IQGAP3: variants seen among roughly 807,000 people sequenced by gnomAD.
IQGAP3 encodes IQ motif containing GTPase activating protein 3, also known as ras GTPase-activating-like protein IQGAP3.
IQGAP3 carries 165 observed loss-of-function variants against 208.2 expected under a neutral mutation model. The observed-to-expected ratio is 0.79, with a 90% CI of 0.70 to 0.90. IQGAP3 has a LOEUF of 0.90. Ranked by LOEUF, IQGAP3 falls within the 40% of genes least tolerant of loss-of-function variation. The probability of loss-of-function intolerance (pLI) is 0.00; values close to 1 mark genes in which losing one functional copy is unlikely to be tolerated. For missense variants in IQGAP3, 1,811 were observed against 2,043.1 expected (o/e 0.89, Z 2.19); for synonymous variants, 703 against 803.6 (o/e 0.87, Z 2.12).
At position 156,550,248 on chromosome 1, in the gene IQGAP3, C is replaced by A; in HGVS notation, c.1825+13G>T. 1 of 1,597,116 alleles carries A rather than the reference C, an allele frequency of 6.3e-7. No homozygotes were observed. The highest frequency in any genetic ancestry group is 8.6e-7 in the Non-Finnish European group (1 of 1,165,538). The stretch of plus-strand genomic sequence containing the variant: ...TCCCTCCCCTCCCAGGGTCCCCCAA[C>A]CAGTCCATTTACTTCTCTGAGCTGT... On this transcript the variant is annotated intron_variant, in intron 16 of 37. Coordinates refer to ENST00000361170, the MANE Select transcript of IQGAP3 (RefSeq NM_178229.5).
At chr1:156,570,102 G>A (rs182798942) in intron 1 of IQGAP3, among the ~76,000 whole-genome samples, 229 of 152,264 alleles carry the variant, frequency 1.5e-3, no homozygotes, top group African/African-American at 5.2e-3. Flanking sequence ...AGTTCTCCAA[G>A]AACTGGACCT....
At chr1:156,537,121 A>G in intron 27 of IQGAP3, 60 bp downstream of exon 27, 1 of 1,562,142 alleles carries the variant, frequency 6.4e-7, no homozygotes, top group Non-Finnish European at 8.7e-7. Flanking sequence ...TCTGCTCCCC[A>G]TGGTGGCCTG....
Position 156,528,996 on chromosome 1 carries a change from C to G in IQGAP3, c.4491G>C (p.Lys1497Asn). 1.2e-6 allele frequency: 2 copies of G among 1,614,204 alleles called. No homozygotes were observed. The highest frequency in any genetic ancestry group is 1.7e-6 in the Non-Finnish European group (2 of 1,180,036). Residue 1497 changes from lysine (K) to asparagine (N), a missense_variant, in exon 35 of 38, where the codon AAG (lysine) becomes AAC (asparagine). By Grantham distance (94) the Lys-to-Asn change is moderately conservative. Transcript: ENST00000361170. ...LQATLQGLST[K>N]TTFYEEQGDY... ...CACCCTGCTCCTCATAGAAGGTGGT[C>G]TTAGTGCTCAGGCCCTGTAATGTGG... is the stretch of plus-strand genomic sequence containing the variant.
intron 18 of IQGAP3, 25 bp downstream of exon 18, chr1:156,548,323 C>T: frequency 6.2e-7 from 1 of 1,611,630 alleles, no homozygotes; most frequent in Non-Finnish European, 8.5e-7. Flanking sequence ...CCAAGATCCC[C>T]TACCCTTGCA....
rs142906566 is a variant in IQGAP3, at chr1:156,563,367, G to C, written c.620-55C>G. 2.0e-4 allele frequency: 307 copies of C among 1,525,096 alleles called. 2 individuals carry two copies. In the East Asian group the frequency reaches 6.9e-3, roughly 34 times the overall value. The allele number at this position is 1,525,096 out of a possible 1,614,324, so 94.5% of individuals were successfully genotyped here. A position where few individuals can be genotyped will look rare whatever the true frequency, so the allele number is the denominator to read the frequency against. ...AGGCCAGAGTGAATCCCAGATTGGAGCGCAACCAGTAGCAGCCCACTCTAA... is the reference window on the plus strand; with the variant it reads ...AGGCCAGAGTGAATCCCAGATTGGACCGCAACCAGTAGCAGCCCACTCTAA... On this transcript the variant is annotated intron_variant, in intron 7 of 37. Transcript: ENST00000361170.
chr1:156,526,606 G>C lies in IQGAP3; in HGVS notation c.4783-7C>G, dbSNP rs751931390. The C allele has an allele frequency of 1.2e-6, 2 of 1,603,824 alleles. No individual in the cohort carries two copies. The highest frequency in any genetic ancestry group is 1.7e-6 in the Non-Finnish European group (2 of 1,170,756). ...ACTGGAGCTGCAGGAGATCCTAGGA[G>C]GGAAGAGGCAGGGAGGGGAGTTTAA... On this transcript the variant is annotated splice_polypyrimidine_tract_variant and splice_region_variant and intron_variant, in intron 37 of 37. Coordinates refer to ENST00000361170, the MANE Select transcript of IQGAP3 (RefSeq NM_178229.5).
At chr1:156,570,773 G>A (rs1444247843) in intron 1 of IQGAP3, among the ~76,000 whole-genome samples, 2 of 152,218 alleles carry the variant, frequency 1.3e-5, no homozygotes, top group African/African-American at 4.8e-5. Flanking sequence ...GCCTCCCAAA[G>A]TGCTGGGATT....
intron 27 of IQGAP3, chr1:156,536,869 T>C (rs1367525076): frequency 4.4e-6 from 1 of 227,680 alleles, no homozygotes; most frequent in African/African-American, 2.3e-5. Context: ...TATTGGGAAC[T>C]GAAGAGTCCC....
Position 156,554,384 on chromosome 1 carries a change from G to T in IQGAP3, c.1299C>A (p.Gly433=), listed in dbSNP as rs762545097. The T allele has an allele frequency of 6.2e-7, 1 of 1,605,436 alleles. No homozygotes were observed. The highest frequency in any genetic ancestry group is 8.5e-7 in the Non-Finnish European group (1 of 1,176,654). The change falls in exon 13 of 38, where the codon GGC becomes GGA. Residue 433 remains glycine, a synonymous_variant. Transcript: ENST00000361170. ...CCACAGCCACGAAGAGCTCCTCCTG[G>T]CCAAGCTCCTACAATGGGTGGGAGG... The part of the protein sequence containing the change: ...AVLQQQQGEL[G]QEELFVAVEM...
chr1:156,530,948 G>A (rs1014292526), intron 33 of IQGAP3, among the ~76,000 whole-genome samples: 1 of 152,132 alleles, frequency 6.6e-6, no homozygotes, highest in Non-Finnish European at 1.5e-5. Flanking sequence ...GGGGAGAGGG[G>A]TGGGGCCCCA....
intron 23 of IQGAP3, among the ~76,000 whole-genome samples, chr1:156,540,330 A>G (rs1045577110): frequency 6.6e-6 from 1 of 152,136 alleles, no homozygotes; most frequent in African/African-American, 2.4e-5. Context: ...CTGTCACTGC[A>G]TATTTATATG....
intron 35 of IQGAP3, 49 bp downstream of exon 35, chr1:156,528,867 G>C: frequency 6.2e-7 from 1 of 1,601,558 alleles, no homozygotes; most frequent in Middle Eastern, 1.7e-4. Flanking sequence ...ACATGGGCAG[G>C]GGTGAGAAGT....
At position 156,538,817 on chromosome 1, in the gene IQGAP3, C is replaced by T. The variant is rs755346623; in HGVS notation, c.3273G>A (p.Gly1091=). 1 of 1,614,030 alleles carries T rather than the reference C, an allele frequency of 6.2e-7. No homozygotes were observed. The highest frequency in any genetic ancestry group is 1.1e-5 in the South Asian group (1 of 91,046). Residue 1091 remains glycine, a synonymous_variant, in exon 26 of 38, where the codon GGG becomes GGA. Coordinates refer to ENST00000361170, the MANE Select transcript of IQGAP3 (RefSeq NM_178229.5). ...NWINQTEAQT[G]QRSHLPYDVT... ...TCTGCCCATGTGCTCACCTGCGCTG[C>T]CCTGTCTGGGCCTCAGTCTGGTTGA...
Position 156,530,219 on chromosome 1 carries a change from G to T in IQGAP3, c.4290C>A (p.Leu1430=). 1 of 1,613,310 alleles carries T rather than the reference G, an allele frequency of 6.2e-7. No homozygotes were observed. ...GCCGCTGCTTCTCTGCCAGTGGCAG[G>T]AGGGAGTGAGCTGTCAGTGAGCGGT... ...RRHRSLTAHS[L]LPLAEKQRRV... is the part of the protein sequence containing the mutation. The change falls in exon 34 of 38, where the codon CTC becomes CTA. Residue 1430 remains leucine (L), a synonymous_variant. Transcript: ENST00000361170.
chr1:156,570,671 G>A (rs1676608338), intron 1 of IQGAP3, among the ~76,000 whole-genome samples: 1 of 152,164 alleles, frequency 6.6e-6, no homozygotes, highest in African/African-American at 2.4e-5. Context: ...CACCATGTCT[G>A]GCTAATTCTT....
Position 156,550,461 on chromosome 1 carries a change from G to A in IQGAP3, c.1735-110C>T, listed in dbSNP as rs562863996. 150 of 740,140 alleles carry A rather than the reference G, an allele frequency of 2.0e-4. 2 individuals carry two copies. In the East Asian group the frequency reaches 3.9e-3, roughly 19 times the overall value. 45.8% of individuals were successfully genotyped at this position (740,140 alleles called of 1,614,324 possible). A position where few individuals can be genotyped will look rare whatever the true frequency, so the allele number is the denominator to read the frequency against. On this transcript the variant is annotated intron_variant, in intron 15 of 37. Coordinates refer to ENST00000361170, the MANE Select transcript of IQGAP3 (RefSeq NM_178229.5). The stretch of plus-strand genomic sequence containing the variant: ...CTGCAGGCAGGCATTGGGAGCCACA[G>A]GGACAGTGATCTCCACTCAGCTCTC...
chr1:156,551,557 C>G (rs1675545809), intron 15 of IQGAP3, 148 bp downstream of exon 15: 1 of 803,730 alleles, frequency 1.2e-6, no homozygotes, highest in East Asian at 2.8e-5. Flanking sequence ...CAGGGCCATC[C>G]TTCTTTACCA....
intron 29 of IQGAP3, 145 bp from the exon 30 acceptor site, chr1:156,534,286 T>C: frequency 1.6e-6 from 2 of 1,288,836 alleles, no homozygotes; most frequent in Non-Finnish European, 2.2e-6. Flanking sequence ...TGTCCTGCCC[T>C]ACCTCTGTCC....
intron 15 of IQGAP3, 141 bp downstream of exon 15, chr1:156,551,564 A>T (rs903350810): frequency 1.2e-6 from 1 of 840,668 alleles, no homozygotes; most frequent in Non-Finnish European, 1.8e-6. Context: ...ATCCTTCTTT[A>T]CCAGATTGGA....
Sources: allele counts gnomAD v4.1 joint callset (sites outside exome capture counted in the v4.1 genomes callset), GRCh38; gene constraint gnomAD v4.1.1; transcripts MANE v1.5; gene names NCBI Gene and HGNC (gene_info 2026-07-23, HGNC 2026-07-21).